HCRTR2: variants seen among roughly 807,000 people sequenced by gnomAD.
HCRTR2 encodes orexin receptor type 2.
HCRTR2 carries 22 observed loss-of-function variants against 49.0 expected under a neutral mutation model. The ratio of observed to expected loss-of-function variants is 0.45; its 90% CI spans 0.32 to 0.64. HCRTR2 has a LOEUF of 0.64. HCRTR2 is among the 30% of genes least tolerant of loss of function. The pLI is 0.04. For missense variants in HCRTR2, 491 were observed against 559.4 expected, an observed-to-expected ratio of 0.88 and a Z score of 1.23; for synonymous variants, 236 against 205.3, an observed-to-expected ratio of 1.15 and a Z score of -1.28.
chr6:55,260,672 A>G (rs769952343), intron 3 of HCRTR2, among the ~76,000 whole-genome samples: 3 of 152,192 alleles, frequency 2.0e-5, no homozygotes, highest in African/African-American at 4.8e-5. Context: ...GTTTAGAAGC[A>G]TGAATATGGA....
chr6:55,167,405 G>A (rs1581803953), intron 1 of HCRTR2, among the ~76,000 whole-genome samples: 1 of 151,968 alleles, frequency 6.6e-6, no homozygotes, highest in African/African-American at 2.4e-5. Context: ...CAACACAATG[G>A]ATCATTTTTT....
intron 1 of HCRTR2, among the ~76,000 whole-genome samples, chr6:55,145,695 T>G (rs1033619223): frequency 1.3e-5 from 2 of 152,056 alleles, no homozygotes; most frequent in Non-Finnish European, 2.9e-5. Flanking sequence ...GATTACAGGC[T>G]TGAGACACTG....
chr6:55,253,794 A>G (rs1379261678), intron 2 of HCRTR2, among the ~76,000 whole-genome samples: 1 of 152,152 alleles, frequency 6.6e-6, no homozygotes, highest in Non-Finnish European at 1.5e-5. Flanking sequence ...AGCAAATACT[A>G]CATGTTCTCA....
At chr6:55,136,136 C>T (rs149031216) in intron 1 of HCRTR2, among the ~76,000 whole-genome samples, 19 of 152,192 alleles carry the variant, frequency 1.2e-4, no homozygotes, top group Admixed American at 5.2e-4. Flanking sequence ...CTCATACTCT[C>T]TTAACACAAA....
intron 1 of HCRTR2, among the ~76,000 whole-genome samples, chr6:55,125,539 C>T (rs981559928): frequency 1.7e-4 from 26 of 152,222 alleles, no homozygotes; most frequent in Non-Finnish European, 2.1e-4. Flanking sequence ...TCTGGCTGCC[C>T]TTAACATTTT....
At chr6:55,174,900 C>A in intron 1 of HCRTR2, 90 bp downstream of exon 1, 1 of 974,200 alleles carries the variant, frequency 1.0e-6, no homozygotes, top group South Asian at 1.3e-5. Context: ...CTCCCTCCCC[C>A]GGGAAGCAAA....
At chr6:55,168,902 T>C (rs1405337333) in intron 1 of HCRTR2, among the ~76,000 whole-genome samples, 1 of 152,132 alleles carries the variant, frequency 6.6e-6, no homozygotes, top group Non-Finnish European at 1.5e-5. Context: ...CAATGAGTGC[T>C]AACATTACTT....
intron 1 of HCRTR2, among the ~76,000 whole-genome samples, chr6:55,136,174 A>C (rs894681429): frequency 1.3e-5 from 2 of 152,130 alleles, no homozygotes; most frequent in Non-Finnish European, 2.9e-5. Flanking sequence ...CATTGTGCTG[A>C]AAAAAATATA....
chr6:55,194,501 A>G (rs1207687377), intron 1 of HCRTR2, among the ~76,000 whole-genome samples: 1 of 152,148 alleles, frequency 6.6e-6, no homozygotes, highest in African/African-American at 2.4e-5. Context: ...ATAATTAAAT[A>G]TGGATATTTG....
At chr6:55,178,572 C>T (rs143911381) in intron 1 of HCRTR2, among the ~76,000 whole-genome samples, 37 of 152,296 alleles carry the variant, frequency 2.4e-4, no homozygotes, top group African/African-American at 8.4e-4. Context: ...CCTTAATTTT[C>T]ATGACTGAAC....
chr6:55,240,579 C>T (rs1766308558), intron 1 of HCRTR2, among the ~76,000 whole-genome samples: 1 of 151,928 alleles, frequency 6.6e-6, no homozygotes, highest in African/African-American at 2.4e-5. Flanking sequence ...TTGAGACAGG[C>T]ATATTGGCTC....
In HCRTR2 at chr6:55,282,563, C is replaced by CTT. The variant is rs112521597; in HGVS notation, c.*120_*121dup. 8.3e-5 allele frequency: 46 copies of CTT among 552,282 alleles called. No homozygotes were observed. Among genetic ancestry groups the CTT allele is most frequent in the South Asian group, 6.5e-4 (30 of 46,420 alleles). The allele number at this position is 552,282 out of a possible 1,614,324, so 34.2% of individuals were successfully genotyped here. ...TGTGAAGCTAAAATTACTTGTGGATCTTTTTTTTTTTTAATCTATTGCTCT... is the reference window on the plus strand; with the variant it reads ...TGTGAAGCTAAAATTACTTGTGGATCTTTTTTTTTTTTTTAATCTATTGCTCT... On this transcript the variant is annotated 3_prime_UTR_variant, in exon 7 of 7. Coordinates refer to ENST00000370862, the MANE Select transcript of HCRTR2 (RefSeq NM_001384272.1).
chr6:55,282,866 A>G (rs2127336122), downstream of HCRTR2, among the ~76,000 whole-genome samples: 1 of 152,276 alleles, frequency 6.6e-6, no homozygotes, highest in South Asian at 2.1e-4. Context: ...CTGAATTAAC[A>G]ATAGACATGT....
chr6:55,134,433 A>G (rs888258542), intron 1 of HCRTR2, among the ~76,000 whole-genome samples: 3 of 151,860 alleles, frequency 2.0e-5, no homozygotes, highest in Admixed American at 2.0e-4. Context: ...TAACGCATGC[A>G]TCATCTCACA....
At chr6:55,108,887 C>T (rs1024902665) in intron 1 of HCRTR2, among the ~76,000 whole-genome samples, 2 of 152,110 alleles carry the variant, frequency 1.3e-5, no homozygotes, top group Non-Finnish European at 2.9e-5. Context: ...TGAAATCCTG[C>T]TTGTTTTCTC....
intron 1 of HCRTR2, among the ~76,000 whole-genome samples, chr6:55,214,048 T>C (rs1388827673): frequency 6.6e-6 from 1 of 151,816 alleles, no homozygotes; most frequent in African/African-American, 2.4e-5. Context: ...ATATTCTAGA[T>C]GCCTGGGGGC....
At chr6:55,183,015 T>C (rs918512996) in intron 1 of HCRTR2, among the ~76,000 whole-genome samples, 2 of 152,240 alleles carry the variant, frequency 1.3e-5, no homozygotes, top group African/African-American at 4.8e-5. Flanking sequence ...ATCGTTGCGA[T>C]TTGGGTCTCT....
intron 1 of HCRTR2, among the ~76,000 whole-genome samples, chr6:55,158,463 A>C (rs1052379635): frequency 5.9e-5 from 9 of 151,736 alleles, no homozygotes; most frequent in Non-Finnish European, 1.0e-4. Context: ...AGAACCATTC[A>C]CTCTCCTGGA....
intron 1 of HCRTR2, among the ~76,000 whole-genome samples, chr6:55,135,996 C>A (rs1353714483): frequency 3.3e-5 from 5 of 152,114 alleles, no homozygotes; most frequent in Admixed American, 2.6e-4. Context: ...TAATTGCATG[C>A]CTGCTTCCCT....
Sources: gnomAD v4.1 joint callset for allele counts (sites outside exome capture counted in the v4.1 genomes callset) on GRCh38, gnomAD v4.1.1 for gene constraint, MANE v1.5 for transcripts, NCBI Gene and HGNC (gene_info 2026-07-23, HGNC 2026-07-21) for gene names.